Variants in AKAP13 observed in about 807,000 individuals in gnomAD.
The protein encoded by AKAP13 is A-kinase anchoring protein 13, also known as A-kinase anchor protein 13.
Under a neutral mutation model 264.5 loss-of-function variants are expected in AKAP13, and 80 were observed. The observed-to-expected ratio is 0.30, with a 90% CI of 0.25 to 0.36. The LOEUF is 0.36. AKAP13 is among the 10% of genes least tolerant of loss of function. The pLI is 1.00. For synonymous variants in AKAP13, 1,380 were observed against 1,250.2 expected (o/e 1.10, Z -2.19); for missense variants, 3,712 against 3,435.2 (o/e 1.08, Z -2.01).
At chr15:85,551,430 A>G (rs1378345408) in intron 5 of AKAP13, among the ~76,000 whole-genome samples, 1 of 152,222 alleles carries the variant, frequency 6.6e-6, no homozygotes, top group African/African-American at 2.4e-5. Flanking sequence ...AGGAAATGTA[A>G]TAGCCATAGC....
intron 1 of AKAP13, among the ~76,000 whole-genome samples, chr15:85,425,845 C>T (rs1288850857): frequency 6.6e-6 from 1 of 150,900 alleles, no homozygotes; most frequent in East Asian, 1.9e-4. Flanking sequence ...TTTCCTTGAG[C>T]AGATGAGGTT....
Position 85,734,423 on chromosome 15 carries a change from A to G in AKAP13, c.7283-569A>G, listed in dbSNP as rs1000048401. Among the ~76,000 whole-genome samples, 3 of 152,092 alleles carry G rather than the reference A, an allele frequency of 2.0e-5. No individual in the cohort carries two copies. The South Asian group carries it at 6.2e-4, about 32-fold the overall frequency. On this transcript the variant is annotated intron_variant, in intron 30 of 36. Coordinates refer to ENST00000394518, the MANE Select transcript of AKAP13 (RefSeq NM_007200.5). ...GGCTTGTCTTATCAGATTTCCTGCT[A>G]TTGGTTCCCTCCCTTATTCCACCTG...
intron 1 of AKAP13, among the ~76,000 whole-genome samples, chr15:85,449,264 G>T (rs1202482744): frequency 6.6e-6 from 1 of 152,194 alleles, no homozygotes; most frequent in South Asian, 2.1e-4. Context: ...AGTGATTTTT[G>T]TACATTGATT....
chr15:85,462,850 C>A (rs1301693386), intron 1 of AKAP13, among the ~76,000 whole-genome samples: 1 of 150,420 alleles, frequency 6.6e-6, no homozygotes, highest in Non-Finnish European at 1.5e-5. Flanking sequence ...TGATGAAACC[C>A]CGTCTCTACT....
chr15:85,437,906 C>T (rs1272195547), intron 1 of AKAP13, among the ~76,000 whole-genome samples: 1 of 149,746 alleles, frequency 6.7e-6, no homozygotes, highest in Non-Finnish European at 1.5e-5. Context: ...AAAACTGGCA[C>T]AAGACAGGGA....
At chr15:85,416,810 T>G (rs979709179) in intron 1 of AKAP13, among the ~76,000 whole-genome samples, 2 of 152,214 alleles carry the variant, frequency 1.3e-5, no homozygotes, top group African/African-American at 4.8e-5. Flanking sequence ...CCTATCATGG[T>G]TCATTTCTCC....
chr15:85,439,224 C>T (rs1286077992), intron 1 of AKAP13, among the ~76,000 whole-genome samples: 5 of 149,826 alleles, frequency 3.3e-5, no homozygotes, highest in African/African-American at 1.2e-4. Flanking sequence ...AAAAAATGCT[C>T]ATCATCACTG....
At chr15:85,409,086 G>C (rs1176382059) in intron 1 of AKAP13, among the ~76,000 whole-genome samples, 1 of 151,662 alleles carries the variant, frequency 6.6e-6, no homozygotes, top group Non-Finnish European at 1.5e-5. Flanking sequence ...AGTGATGTGA[G>C]CATCTTTTTA....
chr15:85,603,442 T>A (rs889036259), intron 8 of AKAP13, among the ~76,000 whole-genome samples: 1 of 152,256 alleles, frequency 6.6e-6, no homozygotes, highest in African/African-American at 2.4e-5. Context: ...ATAGTTTTGA[T>A]CACACAGACA....
intron 2 of AKAP13, among the ~76,000 whole-genome samples, chr15:85,515,244 A>G (rs536122977): frequency 7.2e-6 from 1 of 139,236 alleles, no homozygotes; most frequent in Admixed American, 7.2e-5. Context: ...AAAAGCTGTA[A>G]GGATAGAACA....
intron 17 of AKAP13, among the ~76,000 whole-genome samples, chr15:85,698,808 G>A (rs1361128705): frequency 6.6e-6 from 1 of 151,668 alleles, no homozygotes; most frequent in South Asian, 2.1e-4. Context: ...GCTGGGCATG[G>A]TGGTGCACGC....
chr15:85,530,811 G>T (rs1396488274), intron 3 of AKAP13, among the ~76,000 whole-genome samples: 1 of 152,092 alleles, frequency 6.6e-6, no homozygotes, highest in East Asian at 1.9e-4. Context: ...AGTTTATTTG[G>T]AAATTAAGTG....
intron 4 of AKAP13, chr15:85,535,456 T>C (rs2077358860): frequency 6.6e-6 from 1 of 152,196 alleles, no homozygotes; most frequent in East Asian, 1.9e-4. Flanking sequence ...TTAAGTATAG[T>C]GTCCAAGAAA....
At chr15:85,548,096 A>T (rs1035789211) in intron 5 of AKAP13, among the ~76,000 whole-genome samples, 3 of 152,174 alleles carry the variant, frequency 2.0e-5, no homozygotes, top group Admixed American at 2.0e-4. Context: ...TTACTCACAC[A>T]TCTCAAAGTA....
At chr15:85,586,195 C>CT (rs35834747) in intron 8 of AKAP13, among the ~76,000 whole-genome samples, 456 of 143,784 alleles carry the variant, frequency 3.2e-3, no homozygotes, top group East Asian at 0.018. Flanking sequence ...TTTTCTTTTT[C>CT]TTTTTTTTTT....
intron 16 of AKAP13, among the ~76,000 whole-genome samples, chr15:85,686,698 C>G (rs1044674442): frequency 3.9e-5 from 6 of 152,020 alleles, no homozygotes; most frequent in Admixed American, 1.3e-4. Flanking sequence ...AGAGCCTTAC[C>G]TTTTTTACTT....
rs1010111555 is a variant in AKAP13, at chr15:85,527,055, G to C, written c.181+5480G>C. Reference sequence around the variant, plus strand: ...CTGCAAGCTCCGCCTCCTGGGTTCAGGCCATTCTCCTGCCTCAGCCTCCCG... The same window carrying C: ...CTGCAAGCTCCGCCTCCTGGGTTCACGCCATTCTCCTGCCTCAGCCTCCCG... On this transcript the variant is annotated intron_variant, in intron 3 of 36. Coordinates refer to ENST00000394518, the MANE Select transcript of AKAP13 (RefSeq NM_007200.5). Among the ~76,000 whole-genome samples, 5 of 151,756 alleles carry C rather than the reference G, an allele frequency of 3.3e-5. No individual in the cohort carries two copies. In the South Asian group the frequency reaches 6.2e-4, roughly 19 times the overall value.
intron 16 of AKAP13, among the ~76,000 whole-genome samples, chr15:85,687,242 C>G (rs531827984): frequency 6.6e-6 from 1 of 151,610 alleles, no homozygotes; most frequent in South Asian, 2.1e-4. Context: ...CACACAACCT[C>G]CTGTTATCTG....
intron 1 of AKAP13, among the ~76,000 whole-genome samples, chr15:85,460,635 C>T (rs11074256): frequency 0.68 from 103,030 of 152,128 alleles, 36,691 homozygotes; most frequent in Non-Finnish European, 0.79. Flanking sequence ...ATGTGGAGAT[C>T]ATCTTGGATT....
Sources: allele counts gnomAD v4.1 joint callset (sites outside exome capture counted in the v4.1 genomes callset), GRCh38; gene constraint gnomAD v4.1.1; transcripts MANE v1.5; gene names NCBI Gene and HGNC (gene_info 2026-07-23, HGNC 2026-07-21).